Variants in NAALADL2 observed in about 807,000 individuals in gnomAD.
NAALADL2 encodes the protein inactive N-acetylated-alpha-linked acidic dipeptidase-like protein 2.
NAALADL2 carries 76 observed loss-of-function variants against 87.2 expected under a neutral mutation model. The ratio of observed to expected loss-of-function variants is 0.87; its 90% confidence interval spans 0.72 to 1.05. The LOEUF is 1.05. NAALADL2 is among the 50% of genes least tolerant of loss of function. The pLI, the probability that NAALADL2 is intolerant of heterozygous loss-of-function variation, is 0.00. For missense variants in NAALADL2, 1,089 were observed against 945.8 expected, an observed-to-expected ratio of 1.15 and a Z score of -1.99; for synonymous variants, 354 against 331.0, an observed-to-expected ratio of 1.07 and a Z score of -0.75.
chr3:175,330,442 T>TA (rs10711292), intron 5 of NAALADL2, among the ~76,000 whole-genome samples: 169 of 147,568 alleles, frequency 1.1e-3, no homozygotes, highest in Middle Eastern at 0.011. Flanking sequence ...GACTCTGTCT[T>TA]AAAAAAAAAA....
At chr3:174,501,290 G>T (rs918618760) in intron 1 of NAALADL2, among the ~76,000 whole-genome samples, 1 of 143,522 alleles carries the variant, frequency 7.0e-6, no homozygotes, top group African/African-American at 3.0e-5. Context: ...GTTTTAGCCG[G>T]GATGGTCTCG....
intron 3 of NAALADL2, among the ~76,000 whole-genome samples, chr3:174,774,942 G>C (rs116760323): frequency 5.3e-5 from 8 of 151,990 alleles, no homozygotes; most frequent in Non-Finnish European, 1.5e-5. Flanking sequence ...TTTTACTTCA[G>C]TTCTCACAAA....
chr3:175,339,540 T>A (rs888678222), intron 5 of NAALADL2, among the ~76,000 whole-genome samples: 1 of 152,216 alleles, frequency 6.6e-6, no homozygotes, highest in Non-Finnish European at 1.5e-5. Flanking sequence ...TTGTCTTTAA[T>A]TCTTTGTGCA....
rs533879583 is a variant in NAALADL2 at position 175,368,970 on chromosome 3, G to T, written c.1090+44645G>T. On this transcript the variant is annotated intron_variant, in intron 5 of 13. Transcript: ENST00000454872. Reference sequence around the variant, plus strand: ...ACTTGTGGGAGTAGAAGTTGCTCTGGGTGGATCTGTGAATGAGCAGTGAGC... The same window carrying T: ...ACTTGTGGGAGTAGAAGTTGCTCTGTGTGGATCTGTGAATGAGCAGTGAGC... Among the ~76,000 whole-genome samples the T allele has an allele frequency of 3.3e-5, 5 of 152,178 alleles. No homozygotes were observed. In the South Asian group the frequency reaches 1.0e-3, roughly 32 times the overall value.
chr3:175,189,140 G>T (rs557964654), intron 2 of NAALADL2, among the ~76,000 whole-genome samples: 1 of 152,054 alleles, frequency 6.6e-6, no homozygotes, highest in South Asian at 2.1e-4. Flanking sequence ...TAATTAATGG[G>T]GATAAACTGA....
intron 1 of NAALADL2, among the ~76,000 whole-genome samples, chr3:174,486,464 G>A (rs958743041): frequency 6.6e-6 from 1 of 151,928 alleles, no homozygotes; most frequent in Non-Finnish European, 1.5e-5. Flanking sequence ...CTTAAAATTT[G>A]TCAATTACGC....
chr3:174,740,696 C>T (rs1335730741), intron 3 of NAALADL2, among the ~76,000 whole-genome samples: 1 of 151,744 alleles, frequency 6.6e-6, no homozygotes, highest in Non-Finnish European at 1.5e-5. Context: ...TTAGCCATAG[C>T]TAAGTATAAT....
At chr3:175,487,398 C>T in intron 9 of NAALADL2, 1 of 404,984 alleles carries the variant, frequency 2.5e-6, no homozygotes, top group Non-Finnish European at 4.9e-6. Flanking sequence ...TGATGTATTC[C>T]TGAAACCTAA....
At chr3:175,320,238 A>G (rs1415167104) in intron 4 of NAALADL2, among the ~76,000 whole-genome samples, 2 of 152,262 alleles carry the variant, frequency 1.3e-5, no homozygotes, top group Admixed American at 1.3e-4. Context: ...TTACAAAAAA[A>G]AATCAATTTA....
At chr3:175,400,124 A>G (rs1418698975) in intron 5 of NAALADL2, among the ~76,000 whole-genome samples, 1 of 152,160 alleles carries the variant, frequency 6.6e-6, no homozygotes, top group Admixed American at 6.6e-5. Context: ...GCAGTCAATA[A>G]ATATCTGAAA....
At chr3:175,320,398 G>A (rs927725226) in intron 4 of NAALADL2, among the ~76,000 whole-genome samples, 6 of 152,066 alleles carry the variant, frequency 3.9e-5, no homozygotes, top group South Asian at 2.1e-4. Context: ...ATTTAACGAC[G>A]GGGGCAGAAC....
intron 1 of NAALADL2, among the ~76,000 whole-genome samples, chr3:174,480,170 C>T (rs1717465328): frequency 6.6e-6 from 1 of 151,984 alleles, no homozygotes; most frequent in Non-Finnish European, 1.5e-5. Context: ...GAATGAGGTC[C>T]AAGGTAAGGG....
chr3:175,481,335 CTGTGTGTG>C (rs3040504), intron 9 of NAALADL2, among the ~76,000 whole-genome samples: 3 of 143,900 alleles, frequency 2.1e-5, no homozygotes, highest in African/African-American at 5.1e-5. Context: ...AACAATGCCA[CTGTGTGTG>C]TGTGTGTGTG....
chr3:174,919,615 A>G (rs1734874399), intron 1 of NAALADL2, among the ~76,000 whole-genome samples: 1 of 152,202 alleles, frequency 6.6e-6, no homozygotes, highest in Non-Finnish European at 1.5e-5. Context: ...TCAACCTCTC[A>G]AACTCATCCA....
intron 1 of NAALADL2, among the ~76,000 whole-genome samples, chr3:174,454,577 T>A (rs892891876): frequency 1.3e-5 from 2 of 152,088 alleles, no homozygotes; most frequent in African/African-American, 2.4e-5. Flanking sequence ...AAATCATGAT[T>A]AAGAAATTTG....
intron 1 of NAALADL2, among the ~76,000 whole-genome samples, chr3:174,950,995 GAC>G: frequency 6.6e-6 from 1 of 152,138 alleles, no homozygotes; most frequent in South Asian, 2.1e-4. Context: ...AAAGATAAAG[GAC>G]AGAAGGATGT....
chr3:175,387,556 A>C (rs1387208783), intron 5 of NAALADL2, among the ~76,000 whole-genome samples: 1 of 152,132 alleles, frequency 6.6e-6, no homozygotes, highest in Non-Finnish European at 1.5e-5. Flanking sequence ...GTAAGAAATC[A>C]TTCAAATTTA....
At chr3:174,908,823 T>C (rs1733310861) in intron 1 of NAALADL2, among the ~76,000 whole-genome samples, 1 of 152,078 alleles carries the variant, frequency 6.6e-6, no homozygotes, top group South Asian at 2.1e-4. Flanking sequence ...TTATTAGATC[T>C]ATGGCAGGTA....
chr3:174,996,764 T>C (rs1209341805), intron 1 of NAALADL2, among the ~76,000 whole-genome samples: 2 of 152,094 alleles, frequency 1.3e-5, no homozygotes, highest in Non-Finnish European at 2.9e-5. Flanking sequence ...GTACCCAATA[T>C]GTAGTCTTTA....
Sources: gnomAD v4.1 joint callset for allele counts (sites outside exome capture counted in the v4.1 genomes callset) on GRCh38, gnomAD v4.1.1 for gene constraint, MANE v1.5 for transcripts, NCBI Gene and HGNC (gene_info 2026-07-23, HGNC 2026-07-21) for gene names.